Variants in LRIG1 observed in about 807,000 individuals in gnomAD.
LRIG1 encodes leucine-rich repeats and immunoglobulin-like domains protein 1.
In LRIG1, 48 loss-of-function variants were observed where a neutral mutation model predicts 99.2. The observed-to-expected ratio is 0.48, with a 90% CI of 0.38 to 0.62. The LOEUF is 0.62. Among genes scored for constraint, LRIG1 ranks in the 20% least tolerant of loss-of-function variants. LRIG1 has a pLI of 0.00. For missense variants in LRIG1, 1,646 were observed against 1,434.4 expected, an observed-to-expected ratio of 1.15 and a Z score of -2.38; for synonymous variants, 772 against 596.1, an observed-to-expected ratio of 1.29 and a Z score of -4.30.
intron 12 of LRIG1, among the ~76,000 whole-genome samples, chr3:66,388,480 A>G (rs1297600830): frequency 6.6e-6 from 1 of 152,238 alleles, no homozygotes; most frequent in African/African-American, 2.4e-5. Context: ...AATTTGATGA[A>G]AAATGTGCAG....
chr3:66,398,905 G>T, intron 10 of LRIG1, 65 bp downstream of exon 10: 4 of 1,353,168 alleles, frequency 3.0e-6, no homozygotes, highest in Non-Finnish European at 4.2e-6. Context: ...TAAATTGCTA[G>T]CAGAACTCCC....
At position 66,383,457 on chromosome 3, in the gene LRIG1, C is replaced by T; in HGVS notation, c.2072-56G>A. On this transcript the variant is annotated intron_variant, in intron 14 of 18. Transcript: ENST00000273261. ...TCTCAGGGCCTCCGTTGCTCTGGCT[C>T]TGCCCGGTCTTCTGGACAACGGACA... is the stretch of plus-strand genomic sequence containing the variant. The T allele has an allele frequency of 1.5e-5, 21 of 1,438,768 alleles. 1 individual carries two copies. The South Asian group carries it at 2.7e-4, about 19-fold the overall frequency. The allele number at this position is 1,438,768 out of a possible 1,614,324, so 89.1% of individuals were successfully genotyped here.
chr3:66,381,474 C>T lies in LRIG1; in HGVS notation c.2770+5G>A, dbSNP rs769151001. 6.2e-7 allele frequency: 1 copy of T among 1,611,840 alleles called. No homozygotes were observed. On this transcript the variant is annotated splice_donor_5th_base_variant and intron_variant, in intron 17 of 18. Coordinates refer to ENST00000273261, the MANE Select transcript of LRIG1 (RefSeq NM_015541.3). ...AAACTACTTCCAATGGGAAGCATCT[C>T]ATACCCATCTTATGTGGCCCAGGTG...
At chr3:66,457,270 TC>T (rs1440755798) in intron 2 of LRIG1, among the ~76,000 whole-genome samples, 1 of 152,112 alleles carries the variant, frequency 6.6e-6, no homozygotes, top group African/African-American at 2.4e-5. Context: ...TTCTTCAATA[TC>T]CTTCCCCACC....
rs113427351 is a variant in LRIG1, at chr3:66,471,447, G to C, written c.219-8938C>G. Among the ~76,000 whole-genome samples the C allele has an allele frequency of 6.2e-3, 938 of 152,308 alleles. 13 individuals carry two copies. Among genetic ancestry groups the C allele is most frequent in the African/African-American group, 0.021 (887 of 41,560 alleles). On this transcript the variant is annotated intron_variant, in intron 1 of 18. Transcript: ENST00000273261. ...GGGAGCCCAGTCATTCTGCAGAACA[G>C]AGGGGGGTTGGAACCTTGGAGCCAG...
In LRIG1 at chr3:66,500,428, A is replaced by G; in HGVS notation, c.-21T>C. The G allele has an allele frequency of 7.4e-7, 1 of 1,349,280 alleles. No homozygotes were observed. The highest frequency in any genetic ancestry group is 9.5e-7 in the Non-Finnish European group (1 of 1,054,132). The allele number at this position is 1,349,280 out of a possible 1,614,324, so 83.6% of individuals were successfully genotyped here. Reference sequence around the variant, plus strand: ...GCCATCTTGTCTGGAGCGCGCTGCGAACTCCGGGCGCGGGGACTGTGAGGA... The same window carrying G: ...GCCATCTTGTCTGGAGCGCGCTGCGGACTCCGGGCGCGGGGACTGTGAGGA... On this transcript the variant is annotated 5_prime_UTR_variant, in exon 1 of 19. Transcript: ENST00000273261.
At chr3:66,460,552 C>A (rs968723821) in intron 2 of LRIG1, among the ~76,000 whole-genome samples, 1 of 152,194 alleles carries the variant, frequency 6.6e-6, no homozygotes, top group Non-Finnish European at 1.5e-5. Context: ...TGGACACACA[C>A]AGAGACACCA....
At chr3:66,438,271 A>C (rs1475430289) in intron 3 of LRIG1, among the ~76,000 whole-genome samples, 3 of 152,170 alleles carry the variant, frequency 2.0e-5, no homozygotes, top group Non-Finnish European at 4.4e-5. Flanking sequence ...CCTTCTCCAC[A>C]GAATTCATAA....
chr3:66,404,435 T>C, intron 9 of LRIG1: 4 of 1,164,572 alleles, frequency 3.4e-6, no homozygotes, highest in Non-Finnish European at 3.2e-6. Context: ...TCCTGCACGG[T>C]CCTTGGGTGG....
At chr3:66,474,918 T>C (rs992634771) in intron 1 of LRIG1, among the ~76,000 whole-genome samples, 2 of 152,234 alleles carry the variant, frequency 1.3e-5, no homozygotes, top group East Asian at 1.9e-4. Context: ...AAACTCTTTT[T>C]GGAGTTTCAG....
At position 66,394,055 on chromosome 3, in the gene LRIG1, C is replaced by G. The variant is rs757053016; in HGVS notation, c.1453G>C (p.Glu485Gln). 8.1e-6 allele frequency: 13 copies of G among 1,614,014 alleles called. No individual in the cohort carries two copies. The East Asian group carries it at 2.7e-4, about 33-fold the overall frequency. The change falls in exon 12 of 19, where the codon GAG (glutamate) becomes CAG (glutamine). Residue 485 changes from glutamate to glutamine, a missense_variant. Physicochemically the swap from Glu to Gln is conservative, Grantham distance 29 (BLOSUM62 2). Transcript: ENST00000273261. ...ACAGTCTTACCGCACACGAAACTCT[C>G]TGGTGGCACAGAGAAAATGCTCTGA... Reference protein sequence around the residue: ...KGQSIFSVPPESFVCDDFLKP... With the variant: ...KGQSIFSVPPQSFVCDDFLKP...
intron 1 of LRIG1, among the ~76,000 whole-genome samples, chr3:66,499,310 G>A (rs1701299995): frequency 6.6e-6 from 1 of 152,166 alleles, no homozygotes; most frequent in Admixed American, 6.5e-5. Flanking sequence ...ACCTCTTTCG[G>A]GTGAAACAAA....
chr3:66,469,458 T>TA (rs1386571294), intron 1 of LRIG1, among the ~76,000 whole-genome samples: 1 of 152,174 alleles, frequency 6.6e-6, no homozygotes, highest in Admixed American at 6.5e-5. Flanking sequence ...TTTTACTCCT[T>TA]AAAAATCAGC....
chr3:66,465,530 A>G (rs1299277191), intron 1 of LRIG1, among the ~76,000 whole-genome samples: 1 of 150,932 alleles, frequency 6.6e-6, no homozygotes, highest in Non-Finnish European at 1.5e-5. Context: ...TGCCCGGCTA[A>G]TTTTTTTGTA....
chr3:66,427,090 C>A (rs1312428592), intron 3 of LRIG1, among the ~76,000 whole-genome samples: 3 of 152,202 alleles, frequency 2.0e-5, no homozygotes, highest in Admixed American at 6.5e-5. Context: ...AAATCTAACA[C>A]CCCCGGCCCC....
intron 3 of LRIG1, among the ~76,000 whole-genome samples, chr3:66,447,978 A>G (rs1284007580): frequency 2.0e-5 from 3 of 152,324 alleles, no homozygotes; most frequent in African/African-American, 7.2e-5. Flanking sequence ...TCTCGGCACT[A>G]TTTTATGAAA....
chr3:66,466,881 C>T (rs375571218), intron 1 of LRIG1, among the ~76,000 whole-genome samples: 2 of 152,182 alleles, frequency 1.3e-5, no homozygotes, highest in East Asian at 1.9e-4. Context: ...AAAGAAACCT[C>T]GGAGAATTTA....
At chr3:66,440,467 C>A (rs1303714144) in intron 3 of LRIG1, among the ~76,000 whole-genome samples, 1 of 152,194 alleles carries the variant, frequency 6.6e-6, no homozygotes, top group African/African-American at 2.4e-5. Flanking sequence ...TGAACAGATA[C>A]ATATACGAGG....
chr3:66,481,368 T>C (rs1044334112), intron 1 of LRIG1, among the ~76,000 whole-genome samples: 1 of 152,230 alleles, frequency 6.6e-6, no homozygotes, highest in Non-Finnish European at 1.5e-5. Flanking sequence ...GGCCTGGTTG[T>C]TCATTAATAT....
Sources: allele counts gnomAD v4.1 joint callset (sites outside exome capture counted in the v4.1 genomes callset), GRCh38; gene constraint gnomAD v4.1.1; transcripts MANE v1.5; gene names NCBI Gene and HGNC (gene_info 2026-07-23, HGNC 2026-07-21).